The following FLCN variants were observed in gnomAD, a reference collection of about 807,000 sequenced individuals.
FLCN encodes the protein folliculin.
Under a neutral mutation model 62.5 loss-of-function variants are expected in FLCN, and 22 were observed. The ratio of observed to expected loss-of-function variants is 0.35; its 90% CI spans 0.25 to 0.50. The LOEUF is 0.50. Ranked by LOEUF, FLCN falls within the 20% of genes least tolerant of loss-of-function variation. The pLI is 0.97. For missense variants in FLCN, 657 were observed against 778.0 expected, an observed-to-expected ratio of 0.84 and a Z score of 1.85; for synonymous variants, 319 against 310.0, an observed-to-expected ratio of 1.03 and a Z score of -0.30.
chr17:17,220,048 C>G (rs1011106265), intron 8 of FLCN: 1 of 152,034 alleles, frequency 6.6e-6, no homozygotes, highest in African/African-American at 2.4e-5. Context: ...GTCTACTATT[C>G]CCATCTTTTT....
Position 17,228,176 on chromosome 17 carries a change from G to A in FLCN, c.-24-15C>T. On this transcript the variant is annotated splice_polypyrimidine_tract_variant and intron_variant, in intron 3 of 13. Coordinates refer to ENST00000285071, the MANE Select transcript of FLCN (RefSeq NM_144997.7). The stretch of plus-strand genomic sequence containing the variant: ...CTGCAACAGGCCTGCGTGGGACAGG[G>A]GACATGTCAGCTTGCCAATGCCTAT... The A allele has an allele frequency of 6.2e-7, 1 of 1,604,104 alleles. No homozygotes were observed. The highest frequency in any genetic ancestry group is 8.5e-7 in the Non-Finnish European group (1 of 1,176,998).
In FLCN at chr17:17,213,051, C is replaced by A; in HGVS notation, c.*604G>T. 1 of 246,738 alleles carries A rather than the reference C, an allele frequency of 4.1e-6. No individual in the cohort carries two copies. Among genetic ancestry groups the A allele is most frequent in the Non-Finnish European group, 8.0e-6 (1 of 124,966 alleles). 15.3% of individuals were successfully genotyped at this position (246,738 alleles called of 1,614,324 possible). The stretch of plus-strand genomic sequence containing the variant: ...TCACCAGCACCTGCAGGGGAACACC[C>A]CAGAAGACGAGCCCCATGGCTTCAG... On this transcript the variant is annotated 3_prime_UTR_variant, in exon 14 of 14. Coordinates refer to ENST00000285071, the MANE Select transcript of FLCN (RefSeq NM_144997.7).
intron 6 of FLCN, among the ~76,000 whole-genome samples, 193 bp downstream of exon 6, chr17:17,223,729 C>G (rs1335108122): frequency 6.6e-6 from 1 of 152,250 alleles, no homozygotes; most frequent in African/African-American, 2.4e-5. Context: ...GAGAGACCAG[C>G]AAAGCAGGCG....
At chr17:17,219,563 C>A in intron 8 of FLCN, 1 of 202,710 alleles carries the variant, frequency 4.9e-6, no homozygotes, top group Non-Finnish European at 9.4e-6. Flanking sequence ...CTTTTTTTTC[C>A]ACTTTTTTTT....
At position 17,213,417 on chromosome 17, in the gene FLCN, G is replaced by A. The variant is rs2046808284; in HGVS notation, c.*238C>T. On this transcript the variant is annotated 3_prime_UTR_variant, in exon 14 of 14. Coordinates refer to ENST00000285071, the MANE Select transcript of FLCN (RefSeq NM_144997.7). Reference sequence around the variant, plus strand: ...TCCAAGGAGTTTGAACACAGAGAGAGCCCATCATCCCTCCGCCTTTCATTG... The same window carrying A: ...TCCAAGGAGTTTGAACACAGAGAGAACCCATCATCCCTCCGCCTTTCATTG... 1.6e-6 allele frequency: 1 copy of A among 607,810 alleles called. No individual in the cohort carries two copies. Among genetic ancestry groups the A allele is most frequent in the African/African-American group, 1.8e-5 (1 of 54,452 alleles). 37.7% of individuals were successfully genotyped at this position (607,810 alleles called of 1,614,324 possible).
intron 1 of FLCN, among the ~76,000 whole-genome samples, chr17:17,234,175 C>G (rs2047508506): frequency 6.6e-6 from 1 of 151,802 alleles, no homozygotes; most frequent in Non-Finnish European, 1.5e-5. Flanking sequence ...TTCCCAGCAC[C>G]CAGAGCCAAC....
At chr17:17,218,615 C>T (rs2046993865) in intron 9 of FLCN, among the ~76,000 whole-genome samples, 1 of 152,050 alleles carries the variant, frequency 6.6e-6, no homozygotes, top group African/African-American at 2.4e-5. Flanking sequence ...CTCCTGACCT[C>T]GTGATCCGCT....
At chr17:17,232,923 T>C (rs1334864710) in intron 1 of FLCN, 22 bp from the exon 2 acceptor site, 1 of 151,836 alleles carries the variant, frequency 6.6e-6, no homozygotes, top group Non-Finnish European at 1.5e-5. Context: ...AAAAAAAAAA[T>C]TAGAGCTATT....
At chr17:17,222,791 A>G (rs2047135735) in intron 6 of FLCN, 130 bp from the exon 7 acceptor site, 4 of 1,067,914 alleles carry the variant, frequency 3.7e-6, no homozygotes, top group Non-Finnish European at 5.6e-6. Context: ...CTCCATGCAG[A>G]GCACACAAAG....
At chr17:17,231,159 A>G (rs1034162341) in intron 3 of FLCN, among the ~76,000 whole-genome samples, 1 of 152,168 alleles carries the variant, frequency 6.6e-6, no homozygotes, top group Non-Finnish European at 1.5e-5. Flanking sequence ...AAGACTGCGC[A>G]ACTGCAGTCC....
chr17:17,230,135 G>A (rs183083329), intron 3 of FLCN, among the ~76,000 whole-genome samples: 1 of 152,220 alleles, frequency 6.6e-6, no homozygotes, highest in Non-Finnish European at 1.5e-5. Context: ...AGCCTGACAT[G>A]TGACACAGCC....
intron 6 of FLCN, among the ~76,000 whole-genome samples, chr17:17,223,452 A>G (rs1398230954): frequency 6.6e-6 from 1 of 152,204 alleles, no homozygotes; most frequent in East Asian, 1.9e-4. Context: ...CAGCAAGCAG[A>G]GCCCCACTCT....
intron 4 of FLCN, among the ~76,000 whole-genome samples, chr17:17,227,216 C>CA (rs1254260919): frequency 2.0e-5 from 3 of 152,132 alleles, no homozygotes; most frequent in Non-Finnish European, 4.4e-5. Context: ...AGGTCCTCCA[C>CA]AAAAACAAGT....
rs878855217 is a variant in FLCN at position 17,223,955 on chromosome 17, TC to T, written c.584del (p.Gly195GlufsTer28). The stretch of plus-strand genomic sequence containing the variant: ...CCTTGCCCTGGAGCTCATCGATGAT[TC>T]CCCGGACCTTCCCCAGCAGGAAGGG... ...SWPFLLGKVR[G>X]IIDELQGKAL... On this transcript the variant is annotated frameshift_variant, in exon 6 of 14. Coordinates refer to ENST00000285071, the MANE Select transcript of FLCN (RefSeq NM_144997.7). LOFTEE classifies it high-confidence loss of function. The T allele has an allele frequency of 6.2e-7, 1 of 1,613,330 alleles. No homozygotes were observed. The highest frequency in any genetic ancestry group is 8.5e-7 in the Non-Finnish European group (1 of 1,180,058).
rs752970900 is a variant in FLCN at position 17,222,484 on chromosome 17, G to A, written c.779+17C>T. The A allele has an allele frequency of 3.1e-6, 5 of 1,614,016 alleles. No homozygotes were observed. The highest frequency in any genetic ancestry group is 8.5e-7 in the Non-Finnish European group (1 of 1,180,032). On this transcript the variant is annotated intron_variant, in intron 7 of 13. Coordinates refer to ENST00000285071, the MANE Select transcript of FLCN (RefSeq NM_144997.7). ...CTCTATCCTAACAGATATGCCAAAA[G>A]CAGAGACGCCCGTTACCAGGCAAAG... is the stretch of plus-strand genomic sequence containing the variant.
chr17:17,223,340 G>A (rs1342585725), intron 6 of FLCN, among the ~76,000 whole-genome samples: 14 of 152,182 alleles, frequency 9.2e-5, no homozygotes, highest in South Asian at 2.1e-4. Flanking sequence ...TGATCTGCCC[G>A]CCTTGGCCTC....
chr17:17,221,501 C>T lies in FLCN; in HGVS notation c.871+36G>A, dbSNP rs3744124. On this transcript the variant is annotated intron_variant, in intron 8 of 13. Coordinates refer to ENST00000285071, the MANE Select transcript of FLCN (RefSeq NM_144997.7). ...CAGCTGGTACCGCCCCACGGCCATC[C>T]GGGCCAAGGCCCCGGCAACAGCACC... The T allele has an allele frequency of 0.059, 95,387 of 1,613,860 alleles. 3,963 individuals are homozygous for T. The highest frequency in any genetic ancestry group is 0.18 in the East Asian group (8,187 of 44,856).
chr17:17,217,534 A>C (rs958526841), intron 9 of FLCN: 2 of 364,506 alleles, frequency 5.5e-6, no homozygotes, highest in African/African-American at 4.2e-5. Context: ...AGGGCCCTCG[A>C]CATGGCAGCA....
chr17:17,218,107 T>C (rs1277907267), intron 9 of FLCN, among the ~76,000 whole-genome samples: 1 of 152,180 alleles, frequency 6.6e-6, no homozygotes, highest in Non-Finnish European at 1.5e-5. Flanking sequence ...CAGTGCTCAT[T>C]GGAAAAATTC....
Sources: allele counts gnomAD v4.1 joint callset (sites outside exome capture counted in the v4.1 genomes callset), GRCh38; gene constraint gnomAD v4.1.1; transcripts MANE v1.5; gene names NCBI Gene and HGNC (gene_info 2026-07-23, HGNC 2026-07-21).